Variants in PUS10 observed in about 807,000 individuals in gnomAD.
The protein encoded by PUS10 is tRNA pseudouridine synthase Pus10.
A neutral mutation model predicts 75.0 loss-of-function variants in PUS10; 59 were observed. That is an observed-to-expected ratio of 0.79 (90% CI 0.64 to 0.98). The LOEUF is 0.98. Ranked by LOEUF, PUS10 falls within the 50% of genes least tolerant of loss-of-function variation. The probability of loss-of-function intolerance (pLI) is 0.00; values close to 1 mark genes in which losing one functional copy is unlikely to be tolerated. For synonymous variants in PUS10, 219 were observed against 211.6 expected (o/e 1.03, Z -0.30); for missense variants, 650 against 614.4 (o/e 1.06, Z -0.61).
At chr2:60,989,257 T>C (rs1481165644) in intron 4 of PUS10, among the ~76,000 whole-genome samples, 2 of 152,128 alleles carry the variant, frequency 1.3e-5, no homozygotes, top group Non-Finnish European at 2.9e-5. Context: ...ATTGACTGTT[T>C]GCAAAAGAGG....
Position 60,941,183 on chromosome 2 carries a change from G to C in PUS10, c.*1212C>G, listed in dbSNP as rs867708374. ...TAAATGACCCATTCATTTTTTTTAG[G>C]TTTAGCTTAATGTTTTTCCTCTTCA... On this transcript the variant is annotated 3_prime_UTR_variant, in exon 18 of 18. Transcript: ENST00000316752. 5 of 152,038 alleles carry C rather than the reference G, an allele frequency of 3.3e-5. No individual in the cohort carries two copies. The highest frequency in any genetic ancestry group is 1.2e-4 in the African/African-American group (5 of 41,338). 9.4% of individuals were successfully genotyped at this position (152,038 alleles called of 1,614,324 possible).
chr2:60,942,266 T>C lies in PUS10; in HGVS notation c.*129A>G, dbSNP rs1674663809. On this transcript the variant is annotated 3_prime_UTR_variant, in exon 18 of 18. Transcript: ENST00000316752. ...ATGTTACAACAAATTAACAATTATA[T>C]AGATCAACATGATCCAAATAGTTTT... The C allele has an allele frequency of 4.0e-6, 3 of 750,212 alleles. No individual in the cohort carries two copies. Among genetic ancestry groups the C allele is most frequent in the South Asian group, 1.6e-5 (1 of 63,556 alleles). 46.5% of individuals were successfully genotyped at this position (750,212 alleles called of 1,614,324 possible). A position where few individuals can be genotyped will look rare whatever the true frequency, so the allele number is the denominator to read the frequency against.
intron 4 of PUS10, among the ~76,000 whole-genome samples, chr2:60,975,296 G>A (rs186182525): frequency 6.6e-6 from 1 of 151,976 alleles, no homozygotes; most frequent in Non-Finnish European, 1.5e-5. Flanking sequence ...ACAGGTGCAC[G>A]CCACCACACC....
chr2:60,978,838 G>C (rs893030188), intron 4 of PUS10, among the ~76,000 whole-genome samples: 5 of 152,214 alleles, frequency 3.3e-5, no homozygotes, highest in African/African-American at 1.2e-4. Flanking sequence ...CAATGCTAGT[G>C]ATGATAAAGT....
intron 8 of PUS10, among the ~76,000 whole-genome samples, chr2:60,963,152 T>C (rs2104350794): frequency 6.6e-6 from 1 of 152,336 alleles, no homozygotes; most frequent in South Asian, 2.1e-4. Flanking sequence ...GCAGAACAGG[T>C]CTTCTTCACC....
At chr2:60,993,491 A>G (rs1371374788) in intron 4 of PUS10, among the ~76,000 whole-genome samples, 1 of 151,970 alleles carries the variant, frequency 6.6e-6, no homozygotes, top group East Asian at 1.9e-4. Context: ...GTCCAAATTG[A>G]CTGGAAAATA....
At chr2:60,970,102 C>A (rs1172144996) in intron 5 of PUS10, among the ~76,000 whole-genome samples, 1 of 151,774 alleles carries the variant, frequency 6.6e-6, no homozygotes, top group Non-Finnish European at 1.5e-5. Context: ...AAACAAAACC[C>A]GAAATAAAAA....
rs70959884 is a variant in PUS10 at position 61,007,769 on chromosome 2, CA to C, written c.381+991del. Among the ~76,000 whole-genome samples the C allele has an allele frequency of 3.6e-3, 293 of 80,606 alleles. 2 individuals are homozygous for C. The highest frequency in any genetic ancestry group is 9.3e-3 in the African/African-American group (180 of 19,420). The allele number at this position is 80,606 out of a possible 152,430, so 52.9% of individuals were successfully genotyped here. Reference sequence around the variant, plus strand: ...GGGTGACAAGAGCCAAACTCTGTCTCAAAAAAAAAAAAAAACAGAAAAAAAA... The same window carrying C: ...GGGTGACAAGAGCCAAACTCTGTCTCAAAAAAAAAAAAAACAGAAAAAAAA... On this transcript the variant is annotated intron_variant, in intron 3 of 17. Coordinates refer to ENST00000316752, the MANE Select transcript of PUS10 (RefSeq NM_144709.4).
chr2:60,951,288 A>C (rs538363093), intron 15 of PUS10, among the ~76,000 whole-genome samples: 1 of 152,294 alleles, frequency 6.6e-6, no homozygotes, highest in African/African-American at 2.4e-5. Context: ...GTTTCTGGGA[A>C]GACAATTTTT....
At chr2:60,954,253 G>A in intron 12 of PUS10, 95 bp from the exon 13 acceptor site, 1 of 1,111,676 alleles carries the variant, frequency 9.0e-7, no homozygotes, top group Non-Finnish European at 1.4e-6. Flanking sequence ...AAAGTGGGTT[G>A]AGCTCTAGAG....
intron 2 of PUS10, among the ~76,000 whole-genome samples, chr2:61,009,562 A>C (rs894496287): frequency 6.6e-6 from 1 of 152,224 alleles, no homozygotes; most frequent in African/African-American, 2.4e-5. Flanking sequence ...CAATGCTGAA[A>C]GTTAGCATAT....
chr2:61,000,795 G>A (rs912053005), intron 4 of PUS10, among the ~76,000 whole-genome samples: 2 of 152,156 alleles, frequency 1.3e-5, no homozygotes, highest in African/African-American at 4.8e-5. Flanking sequence ...GCTTGTGGGA[G>A]ATATTTATAT....
chr2:61,003,839 G>C (rs932671365), intron 4 of PUS10, among the ~76,000 whole-genome samples: 1 of 152,102 alleles, frequency 6.6e-6, no homozygotes, highest in Non-Finnish European at 1.5e-5. Flanking sequence ...ACTGTGACTA[G>C]CCATTTAATT....
intron 4 of PUS10, among the ~76,000 whole-genome samples, chr2:61,002,579 C>A (rs1262307493): frequency 3.9e-5 from 6 of 152,206 alleles, no homozygotes; most frequent in Non-Finnish European, 8.8e-5. Context: ...TCCCAAGGAG[C>A]TGGGACCACA....
chr2:60,944,184 C>T (rs1573371034), intron 17 of PUS10: 1 of 981,066 alleles, frequency 1.0e-6, no homozygotes, highest in East Asian at 1.1e-4. Context: ...TTTCTTCCTC[C>T]AAATGATAGT....
chr2:61,006,530 C>G, intron 4 of PUS10, 27 bp downstream of exon 4: 1 of 1,476,498 alleles, frequency 6.8e-7, no homozygotes, highest in Admixed American at 1.7e-5. Context: ...ACTTCACATA[C>G]AGTTTTATGC....
At chr2:61,006,699 C>T in intron 3 of PUS10, 56 bp from the exon 4 acceptor site, 2 of 1,336,894 alleles carry the variant, frequency 1.5e-6, no homozygotes, top group South Asian at 1.3e-5. Flanking sequence ...ATATTACTTA[C>T]CCTAATCTTA....
chr2:60,971,823 T>C (rs1227464198), intron 4 of PUS10, among the ~76,000 whole-genome samples: 2 of 151,480 alleles, frequency 1.3e-5, no homozygotes. Flanking sequence ...TTTCTATTTC[T>C]CATTAATGAG....
chr2:60,966,702 C>G (rs2104381180), intron 6 of PUS10: 1 of 152,342 alleles, frequency 6.6e-6, no homozygotes, highest in East Asian at 1.9e-4. Context: ...TCTCTATTCT[C>G]TCAATACTCG....
Sources: allele counts gnomAD v4.1 joint callset (sites outside exome capture counted in the v4.1 genomes callset), GRCh38; gene constraint gnomAD v4.1.1; transcripts MANE v1.5; gene names NCBI Gene and HGNC (gene_info 2026-07-23, HGNC 2026-07-21).